ASAH1: variants seen among roughly 807,000 people sequenced by gnomAD.
ASAH1 encodes the protein N-acylsphingosine amidohydrolase 1.
A neutral mutation model predicts 59.5 loss-of-function variants in ASAH1; 70 were observed. The observed-to-expected ratio is 1.18, with a 90% CI of 0.97 to 1.43. The LOEUF (loss-of-function observed/expected upper bound fraction) is 1.43. ASAH1 is among the 40% of genes most tolerant of loss of function. The pLI, the probability that ASAH1 is intolerant of heterozygous loss-of-function variation, is 0.00. For missense variants in ASAH1, 660 were observed against 482.5 expected (o/e 1.37, Z -3.45); for synonymous variants, 213 against 166.5 (o/e 1.28, Z -2.15).
At chr8:18,065,716 G>A (rs1799902381) in intron 5 of ASAH1, 1 of 152,010 alleles carries the variant, frequency 6.6e-6, no homozygotes, top group African/African-American at 2.4e-5. Flanking sequence ...AAACAAAGTT[G>A]GAAGAATTAT....
At position 18,081,579 on chromosome 8, in the gene ASAH1, AATAG is replaced by A. The variant is rs1800656288; in HGVS notation, c.78+2398_78+2401del. The stretch of plus-strand genomic sequence containing the variant: ...GCCACTGTCTTCACCATCATCTCTT[AATAG>A]ACTCCTAAAAAATTCAATAATGAAG... On this transcript the variant is annotated intron_variant, in intron 1 of 13. Transcript: ENST00000637790. 3.3e-5 allele frequency among the ~76,000 whole-genome samples: 5 copies of A among 152,158 alleles called. 1 individual carries two copies. The South Asian group carries it at 1.0e-3, about 31-fold the overall frequency.
rs762474149 is a variant in ASAH1 at position 18,061,674 on chromosome 8, T to C, written c.703+12A>G. Reference sequence around the variant, plus strand: ...CTGAGATTCCCATTTCACTTGAGAATGCTCTACTTACCCAGATAACCACCA... The same window carrying C: ...CTGAGATTCCCATTTCACTTGAGAACGCTCTACTTACCCAGATAACCACCA... On this transcript the variant is annotated intron_variant, in intron 9 of 13. Transcript: ENST00000637790. 2 of 1,583,630 alleles carry C rather than the reference T, an allele frequency of 1.3e-6. No individual in the cohort carries two copies. The highest frequency in any genetic ancestry group is 2.3e-5 in the East Asian group (1 of 43,422).
chr8:18,056,736 T>A lies in ASAH1; in HGVS notation c.*798A>T, dbSNP rs1799484903. ...ATGCTACTTATGAGAATTTAAAATA[T>A]GGGTTCACTTCCTATTTTCCACAAG... On this transcript the variant is annotated 3_prime_UTR_variant, in exon 14 of 14. Transcript: ENST00000637790. 1 of 152,232 alleles carries A rather than the reference T, an allele frequency of 6.6e-6. No homozygotes were observed. Among genetic ancestry groups the A allele is most frequent in the Non-Finnish European group, 1.5e-5 (1 of 68,046 alleles). The allele number at this position is 152,232 out of a possible 1,614,324, so 9.4% of individuals were successfully genotyped here.
At chr8:18,084,894 G>C (rs555837458), upstream of ASAH1, 2 of 1,538,404 alleles carry the variant, frequency 1.3e-6, no homozygotes, top group African/African-American at 1.4e-5. Context: ...AGCTCGGCAG[G>C]GGGACTCGCT....
intron 3 of ASAH1, 56 bp from the exon 4 acceptor site, chr8:18,069,934 C>T: frequency 1.2e-5 from 16 of 1,297,284 alleles, no homozygotes; most frequent in Non-Finnish European, 1.8e-5. Flanking sequence ...GTCAAGATTA[C>T]CTTTTGGCTT....
At chr8:18,083,858 C>G in intron 1 of ASAH1, 123 bp downstream of exon 1, 1 of 1,516,564 alleles carries the variant, frequency 6.6e-7, no homozygotes, top group Non-Finnish European at 8.8e-7. Context: ...AAACCACAGA[C>G]CCCCGTAAAG....
chr8:18,059,483 A>G lies in ASAH1; in HGVS notation c.918-19T>C. The G allele has an allele frequency of 6.2e-7, 1 of 1,614,178 alleles. No individual in the cohort carries two copies. Among genetic ancestry groups the G allele is most frequent in the Non-Finnish European group, 8.5e-7 (1 of 1,180,032 alleles). ...ATCGAGTCTAGATACAAAAGGAGAG[A>G]TTCCCTCTTAGGCTACATGCCTTAA... On this transcript the variant is annotated intron_variant, in intron 11 of 13. Coordinates refer to ENST00000637790, the MANE Select transcript of ASAH1 (RefSeq NM_177924.5).
chr8:18,079,191 T>C (rs1800541019), intron 1 of ASAH1, among the ~76,000 whole-genome samples: 2 of 149,244 alleles, frequency 1.3e-5, no homozygotes, highest in Non-Finnish European at 3.0e-5. Flanking sequence ...GAGAATTGCC[T>C]GAAGCCGGGA....
chr8:18,067,664 C>T (rs1799990121), intron 4 of ASAH1: 1 of 159,096 alleles, frequency 6.3e-6, no homozygotes, highest in Admixed American at 6.5e-5. Flanking sequence ...CACTCCTTAT[C>T]TCTCTGCACG....
At position 18,057,626 on chromosome 8, in the gene ASAH1, G is replaced by A. The variant is rs1182253897; in HGVS notation, c.1099-3C>T. On this transcript the variant is annotated splice_region_variant and splice_polypyrimidine_tract_variant and intron_variant, in intron 13 of 13. Coordinates refer to ENST00000637790, the MANE Select transcript of ASAH1 (RefSeq NM_177924.5). ...ATCAAGGTTGTGTATACGGTCAGCTGAAAGAAAAGTTATTTTTACTTTAAG... is the reference window on the plus strand; with the variant it reads ...ATCAAGGTTGTGTATACGGTCAGCTAAAAGAAAAGTTATTTTTACTTTAAG... 5 of 1,594,316 alleles carry A rather than the reference G, an allele frequency of 3.1e-6. No homozygotes were observed. The highest frequency in any genetic ancestry group is 4.3e-6 in the Non-Finnish European group (5 of 1,166,950).
At chr8:18,059,769 T>G in intron 10 of ASAH1, 66 bp from the exon 11 acceptor site, 1 of 1,449,398 alleles carries the variant, frequency 6.9e-7, no homozygotes, top group Non-Finnish European at 9.4e-7. Flanking sequence ...ACTTCATTTA[T>G]TTTTAAATTT....
rs774978593 is a variant in ASAH1, at chr8:18,069,883, A to C, written c.217-5T>G. ...AGAATTCACTATAACCTTTAGCTGA[A>C]AAATAAATAAAATGCTTACTAAAAG... On this transcript the variant is annotated splice_region_variant and splice_polypyrimidine_tract_variant and intron_variant, in intron 3 of 13. Coordinates refer to ENST00000637790, the MANE Select transcript of ASAH1 (RefSeq NM_177924.5). 3.2e-6 allele frequency: 5 copies of C among 1,542,818 alleles called. No individual in the cohort carries two copies. Among genetic ancestry groups the C allele is most frequent in the Non-Finnish European group, 4.5e-6 (5 of 1,120,986 alleles).
intron 5 of ASAH1, 126 bp downstream of exon 5, chr8:18,067,094 G>GACTTGTGC: frequency 4.2e-5 from 5 of 119,550 alleles, no homozygotes; most frequent in Non-Finnish European, 8.6e-5. Context: ...GTATATCTAA[G>GACTTGTGC]ACCTGTGCAC....
At position 18,069,839 on chromosome 8, in the gene ASAH1, T is replaced by C; in HGVS notation, c.256A>G (p.Thr86Ala). ...ATAATTTTTCCACTTGGCACGAATG[T>C]ATTTATCATATTCTTCAGAGAATTC... ...IVNSLKNMIN[T>A]FVPSGKIMQV... Residue 86 changes from threonine (T) to alanine (A), a missense_variant, in exon 4 of 14, where the codon ACA (threonine) becomes GCA (alanine). Transcript: ENST00000637790. 6.3e-7 allele frequency: 1 copy of C among 1,591,796 alleles called. No individual in the cohort carries two copies. Among genetic ancestry groups the C allele is most frequent in the Middle Eastern group, 1.7e-4 (1 of 6,030 alleles).
At position 18,056,285 on chromosome 8, in the gene ASAH1, T is replaced by TA. The variant is rs2117006481; in HGVS notation, c.*1248dup. The TA allele has an allele frequency of 6.6e-6, 1 of 152,344 alleles. No homozygotes were observed. The highest frequency in any genetic ancestry group is 6.5e-5 in the Admixed American group (1 of 15,302). 9.4% of individuals were successfully genotyped at this position (152,344 alleles called of 1,614,324 possible). ...TGGTTAAGAGGTGGTATCAGTCATG[T>TA]AAGAGTAAGATTGTGACCGTTTAGT... On this transcript the variant is annotated 3_prime_UTR_variant, in exon 14 of 14. Transcript: ENST00000637790.
At chr8:18,071,152 A>G in intron 3 of ASAH1, 148 bp downstream of exon 3, 1 of 300,868 alleles carries the variant, frequency 3.3e-6, no homozygotes, top group Non-Finnish European at 5.6e-6. Context: ...GGTTGCGGCG[A>G]GCTGAGATCG....
At chr8:18,073,736 G>A (rs918067667) in intron 2 of ASAH1, among the ~76,000 whole-genome samples, 1 of 152,184 alleles carries the variant, frequency 6.6e-6, no homozygotes, top group African/African-American at 2.4e-5. Flanking sequence ...CAAAGGAACA[G>A]AACGTCTGTT....
At chr8:18,068,769 C>CA (rs1436246923) in intron 4 of ASAH1, 1 of 152,302 alleles carries the variant, frequency 6.6e-6, no homozygotes, top group Non-Finnish European at 1.5e-5. Context: ...GACAGCCCCA[C>CA]AAAAAAGAGA....
intron 2 of ASAH1, among the ~76,000 whole-genome samples, chr8:18,073,470 G>A (rs940120070): frequency 6.6e-6 from 1 of 152,178 alleles, no homozygotes; most frequent in Non-Finnish European, 1.5e-5. Context: ...GGCTACCTAG[G>A]TGGCATGGAA....
Sources: allele counts gnomAD v4.1 joint callset (sites outside exome capture counted in the v4.1 genomes callset), GRCh38; gene constraint gnomAD v4.1.1; transcripts MANE v1.5; gene names NCBI Gene and HGNC (gene_info 2026-07-23, HGNC 2026-07-21).